Variants in SCRN3 observed in about 807,000 individuals in gnomAD.
SCRN3 encodes the protein secernin 3.
A neutral mutation model predicts 43.1 loss-of-function variants in SCRN3; 39 were observed. That is an observed-to-expected ratio of 0.91 (90% CI 0.70 to 1.18). The LOEUF is 1.18. Ranked by LOEUF, SCRN3 falls within the 50% of genes most tolerant of loss-of-function variation. SCRN3 has a pLI of 0.00. For synonymous variants in SCRN3, 147 were observed against 163.1 expected (o/e 0.90, Z 0.75); for missense variants, 484 against 498.0 (o/e 0.97, Z 0.27).
At chr2:174,403,107 G>T (rs944255492) in intron 4 of SCRN3, among the ~76,000 whole-genome samples, 1 of 150,666 alleles carries the variant, frequency 6.6e-6, no homozygotes, top group Non-Finnish European at 1.5e-5. Context: ...AATCCAGTTA[G>T]AAAATAGGCA....
chr2:174,411,023 A>G (rs1433496757), intron 5 of SCRN3, among the ~76,000 whole-genome samples: 1 of 152,154 alleles, frequency 6.6e-6, no homozygotes, highest in Non-Finnish European at 1.5e-5. Flanking sequence ...GGGGAGCAGG[A>G]ACTGGACTCC....
chr2:174,400,822 T>C (rs189657504), intron 3 of SCRN3, among the ~76,000 whole-genome samples, 168 bp from the exon 4 acceptor site: 1 of 152,348 alleles, frequency 6.6e-6, no homozygotes, highest in East Asian at 1.9e-4. Flanking sequence ...TTTATTTCCA[T>C]GATTCCAAAC....
downstream of SCRN3, among the ~76,000 whole-genome samples, chr2:174,429,783 C>T (rs1308714045): frequency 1.3e-5 from 2 of 152,120 alleles, no homozygotes; most frequent in Non-Finnish European, 2.9e-5. Flanking sequence ...CTATTTATCC[C>T]ACCCTCCCTC....
intron 5 of SCRN3, among the ~76,000 whole-genome samples, chr2:174,405,046 T>C: frequency 1.0e-5 from 1 of 100,234 alleles, no homozygotes; most frequent in Non-Finnish European, 2.2e-5. Flanking sequence ...ACTTCCACAA[T>C]GGTTGAACTA....
intron 5 of SCRN3, among the ~76,000 whole-genome samples, chr2:174,420,749 G>A (rs115567936): frequency 0.024 from 3,583 of 152,232 alleles, 71 homozygotes; most frequent in Non-Finnish European, 0.04. Flanking sequence ...TGGAGGATCA[G>A]TAGAAAAGAT....
At chr2:174,400,496 G>T (rs1204905778) in intron 3 of SCRN3, among the ~76,000 whole-genome samples, 1 of 151,906 alleles carries the variant, frequency 6.6e-6, no homozygotes, top group Non-Finnish European at 1.5e-5. Context: ...CTAGGGTCTT[G>T]CTATGTTGCT....
intron 5 of SCRN3, among the ~76,000 whole-genome samples, chr2:174,409,254 C>T (rs1409063897): frequency 2.9e-5 from 4 of 136,160 alleles, no homozygotes; most frequent in African/African-American, 1.0e-4. Context: ...ATCGCGTCGG[C>T]TCCTGAGGCT....
At chr2:174,422,568 T>G (rs1686328667) in intron 5 of SCRN3, among the ~76,000 whole-genome samples, 1 of 109,116 alleles carries the variant, frequency 9.2e-6, no homozygotes, top group Non-Finnish European at 2.1e-5. Context: ...AGACTCTGTC[T>G]CAAAAAAAAA....
chr2:174,401,329 T>G (rs1685503049), intron 4 of SCRN3, 140 bp downstream of exon 4: 1 of 664,784 alleles, frequency 1.5e-6, no homozygotes, highest in Admixed American at 3.0e-5. Flanking sequence ...ATTTAAAAAT[T>G]TGAAAGAACA....
In SCRN3 at chr2:174,401,117, C is replaced by A. The variant is rs747691995; in HGVS notation, c.469C>A (p.Leu157Met). 1.1e-5 allele frequency: 18 copies of A among 1,613,876 alleles called. No homozygotes were observed. Among genetic ancestry groups the A allele is most frequent in the Non-Finnish European group, 1.5e-5 (18 of 1,179,874 alleles). The change falls in exon 4 of 8, where the codon CTG (leucine) becomes ATG (methionine). Residue 157 changes from leucine (L) to methionine (M), a missense_variant. Leu to Met is a conservative substitution (Grantham distance 15). Transcript: ENST00000272732. ...GGTATTTAGCTATCACAACAGTTTC[C>A]TGATAGCTGATAGGAATGAAGCCTG... is the stretch of plus-strand genomic sequence containing the variant. ...RMVFSYHNSFLIADRNEAWIL... is the reference protein window; with the variant it reads ...RMVFSYHNSFMIADRNEAWIL...
At chr2:174,409,539 G>T (rs374692092) in intron 5 of SCRN3, among the ~76,000 whole-genome samples, 1 of 144,998 alleles carries the variant, frequency 6.9e-6, no homozygotes. Context: ...GACGCTCTGC[G>T]TTTTAGAGTT....
At chr2:174,420,845 A>G (rs1686269408) in intron 5 of SCRN3, among the ~76,000 whole-genome samples, 1 of 152,194 alleles carries the variant, frequency 6.6e-6, no homozygotes, top group Admixed American at 6.5e-5. Context: ...GGTCTCACAT[A>G]CATAAGATTG....
chr2:174,415,569 A>T (rs1014302922), intron 5 of SCRN3, among the ~76,000 whole-genome samples: 3 of 152,198 alleles, frequency 2.0e-5, no homozygotes, highest in Non-Finnish European at 4.4e-5. Context: ...AGTGGCAGAT[A>T]ATTGCTAAAA....
At chr2:174,413,449 G>A (rs1685995243) in intron 5 of SCRN3, among the ~76,000 whole-genome samples, 2 of 152,138 alleles carry the variant, frequency 1.3e-5, no homozygotes, top group African/African-American at 4.8e-5. Context: ...TGAGCTGCTT[G>A]CAGTCTGCCC....
chr2:174,411,642 C>T lies in SCRN3; in HGVS notation c.754+7327C>T, dbSNP rs149195416. ...ATCTTTATAATAATAATTAGAGTGGCTGGGTTCTGTGGCTCACGTATGTAA... is the reference window on the plus strand; with the variant it reads ...ATCTTTATAATAATAATTAGAGTGGTTGGGTTCTGTGGCTCACGTATGTAA... On this transcript the variant is annotated intron_variant, in intron 5 of 7. Coordinates refer to ENST00000272732, the MANE Select transcript of SCRN3 (RefSeq NM_024583.5). Among the ~76,000 whole-genome samples the T allele has an allele frequency of 2.8e-4, 43 of 152,250 alleles. No homozygotes were observed. In the East Asian group the frequency reaches 5.0e-3, roughly 18 times the overall value.
intron 1 of SCRN3, chr2:174,397,081 T>C (rs1257243739): frequency 2.0e-6 from 2 of 983,008 alleles, no homozygotes; most frequent in Non-Finnish European, 2.4e-6. Context: ...GACATAAGAG[T>C]TGAAATACAG....
At chr2:174,417,813 G>C (rs1370536673) in intron 5 of SCRN3, among the ~76,000 whole-genome samples, 8 of 152,096 alleles carry the variant, frequency 5.3e-5, no homozygotes, top group Non-Finnish European at 1.2e-4. Context: ...CTTACTTGTC[G>C]TATTTTTCTC....
chr2:174,404,279 T>C lies in SCRN3; in HGVS notation c.718T>C (p.Tyr240His), dbSNP rs756474857. The C allele has an allele frequency of 3.7e-6, 6 of 1,613,804 alleles. No homozygotes were observed. The South Asian group carries it at 5.5e-5, about 15-fold the overall frequency. The change falls in exon 5 of 8, where the codon TAC becomes CAC. Residue 240 changes from tyrosine to histidine, a missense_variant. By Grantham distance (83) the Tyr-to-His change is moderately conservative. Coordinates refer to ENST00000272732, the MANE Select transcript of SCRN3 (RefSeq NM_024583.5). ...CAAGATGATGACTTCATCAGGCAGATACTGTGAGGGCTACAAGCTTCTAAA... is the reference window on the plus strand; with the variant it reads ...CAAGATGATGACTTCATCAGGCAGACACTGTGAGGGCTACAAGCTTCTAAA... ...TAKMMTSSGR[Y>H]CEGYKLLNKH...
chr2:174,399,839 A>T, intron 2 of SCRN3, 83 bp from the exon 3 acceptor site: 1 of 1,019,360 alleles, frequency 9.8e-7, no homozygotes, highest in Non-Finnish European at 1.3e-6. Context: ...TTGTCTTCTG[A>T]CTGATTTTTT....
Sources: allele counts gnomAD v4.1 joint callset (sites outside exome capture counted in the v4.1 genomes callset), GRCh38; gene constraint gnomAD v4.1.1; transcripts MANE v1.5; gene names NCBI Gene and HGNC (gene_info 2026-07-23, HGNC 2026-07-21).